Variants in NREP observed in about 807,000 individuals in gnomAD.
NREP encodes neuronal regeneration related protein, also known as neuronal regeneration-related protein.
A neutral mutation model predicts 8.6 loss-of-function variants in NREP; 5 were observed. The ratio of observed to expected loss-of-function variants is 0.58; its 90% CI spans 0.30 to 1.22. NREP has a LOEUF of 1.22. Ranked by LOEUF, NREP falls within the 50% of genes most tolerant of loss-of-function variation. NREP has a pLI of 0.07. For missense variants in NREP, 86 were observed against 82.5 expected (o/e 1.04, Z -0.17); for synonymous variants, 27 against 28.0 (o/e 0.96, Z 0.11).
chr5:111,790,796 T>C (rs1179293493), intron 2 of NREP, among the ~76,000 whole-genome samples: 2 of 152,244 alleles, frequency 1.3e-5, no homozygotes, highest in Admixed American at 1.3e-4. Context: ...TGAGTACAAA[T>C]GACACTTGAA....
chr5:111,932,117 CAAAAAAAAAAA>C (rs57518070), intron 2 of NREP, among the ~76,000 whole-genome samples: 2 of 115,596 alleles, frequency 1.7e-5, no homozygotes, highest in East Asian at 5.0e-4. Flanking sequence ...AGACTTTTTG[CAAAAAAAAAAA>C]AAAAAGAAAA....
In NREP at chr5:111,975,414, T is replaced by C. The variant is rs1224274571; in HGVS notation, c.31-36A>G. ...GACACATGGTAGAAAACGTGAGCAC[T>C]GACCCCCCTGAGTGCCACAACTCAC... On this transcript the variant is annotated intron_variant, in intron 1 of 3. Transcript: ENST00000395634. 4 of 1,455,968 alleles carry C rather than the reference T, an allele frequency of 2.7e-6. No homozygotes were observed. In the South Asian group the frequency reaches 3.7e-5, roughly 13 times the overall value. 90.2% of individuals were successfully genotyped at this position (1,455,968 alleles called of 1,614,324 possible). A position where few individuals can be genotyped will look rare whatever the true frequency, so the allele number is the denominator to read the frequency against.
chr5:111,814,639 G>C (rs1277677308), intron 2 of NREP, among the ~76,000 whole-genome samples: 3 of 152,248 alleles, frequency 2.0e-5, no homozygotes, highest in Middle Eastern at 3.4e-3. Flanking sequence ...GCTGACTATT[G>C]CTGAGGACTT....
intron 2 of NREP, among the ~76,000 whole-genome samples, chr5:111,768,095 T>C (rs1751128920): frequency 6.6e-6 from 1 of 152,210 alleles, no homozygotes; most frequent in Non-Finnish European, 1.5e-5. Context: ...TAGGATAATA[T>C]GCATATTACA....
At chr5:111,774,581 T>G (rs559188520) in intron 2 of NREP, among the ~76,000 whole-genome samples, 156 of 152,250 alleles carry the variant, frequency 1.0e-3, no homozygotes, top group African/African-American at 3.5e-3. Context: ...CGAGTCAGTG[T>G]CCTTCTGTGG....
chr5:111,783,283 C>A (rs1277596786), intron 2 of NREP, among the ~76,000 whole-genome samples: 2 of 152,126 alleles, frequency 1.3e-5, no homozygotes, highest in African/African-American at 4.8e-5. Flanking sequence ...TGTATAAATT[C>A]CTGCTTTAGC....
At chr5:111,909,158 T>C (rs1754846654) in intron 2 of NREP, among the ~76,000 whole-genome samples, 1 of 152,070 alleles carries the variant, frequency 6.6e-6, no homozygotes, top group Non-Finnish European at 1.5e-5. Context: ...GAATATTTTC[T>C]CTCATTCTGT....
At chr5:111,734,057 C>T (rs1332377644) in intron 3 of NREP, 2 of 152,190 alleles carry the variant, frequency 1.3e-5, no homozygotes, top group African/African-American at 4.8e-5. Context: ...CCACGGTGCC[C>T]ACCCCTGGGA....
At chr5:111,816,881 T>C (rs1752396402) in intron 2 of NREP, among the ~76,000 whole-genome samples, 1 of 151,708 alleles carries the variant, frequency 6.6e-6, no homozygotes, top group East Asian at 1.9e-4. Flanking sequence ...AATTTGAAAG[T>C]AAAAGGATGG....
Position 111,846,831 on chromosome 5 carries a change from C to T in NREP, c.136-111324G>A, listed in dbSNP as rs1177614230. ...TTCACTAGCTTAACCATGCCTAAGG[C>T]ACATTTAATAGCTATTTGTACATAA... is the stretch of plus-strand genomic sequence containing the variant. On this transcript the variant is annotated intron_variant, in intron 2 of 3. Transcript: ENST00000395634. 3.3e-5 allele frequency among the ~76,000 whole-genome samples: 5 copies of T among 152,132 alleles called. No individual in the cohort carries two copies. In the East Asian group the frequency reaches 9.6e-4, roughly 29 times the overall value.
chr5:111,802,393 G>C (rs573471663), intron 2 of NREP, among the ~76,000 whole-genome samples: 6 of 152,162 alleles, frequency 3.9e-5, no homozygotes, highest in African/African-American at 1.4e-4. Context: ...GACTTTTAGG[G>C]TGAAGCCTAG....
intron 2 of NREP, among the ~76,000 whole-genome samples, chr5:111,936,983 C>A (rs550041454): frequency 1.0e-3 from 158 of 152,156 alleles, no homozygotes; most frequent in Non-Finnish European, 1.5e-3. Flanking sequence ...CCCAGAGAAG[C>A]ATTTCTCCTT....
intron 2 of NREP, chr5:111,755,534 G>A (rs963379250): frequency 7.3e-6 from 4 of 550,018 alleles, no homozygotes; most frequent in Non-Finnish European, 1.3e-5. Context: ...ACTTCTGAAA[G>A]AGGAATTTTA....
intron 2 of NREP, among the ~76,000 whole-genome samples, chr5:111,777,452 T>C (rs1357419052): frequency 6.6e-6 from 1 of 151,984 alleles, no homozygotes; most frequent in Non-Finnish European, 1.5e-5. Context: ...CACTTTTCAG[T>C]GTGTGACCTA....
At chr5:111,938,973 G>C (rs1233081853) in intron 2 of NREP, among the ~76,000 whole-genome samples, 1 of 152,004 alleles carries the variant, frequency 6.6e-6, no homozygotes, top group East Asian at 1.9e-4. Flanking sequence ...AAGCAACCTG[G>C]ATCAGTCCAT....
intron 2 of NREP, among the ~76,000 whole-genome samples, chr5:111,866,640 A>T (rs181109836): frequency 0.01 from 1,579 of 152,272 alleles, 12 homozygotes; most frequent in Middle Eastern, 0.02. Context: ...CCATCCCATT[A>T]CTGGGTATAT....
Position 111,730,806 on chromosome 5 carries a change from A to G in NREP, c.*115T>C. The G allele has an allele frequency of 8.4e-7, 1 of 1,189,534 alleles. No homozygotes were observed. Among genetic ancestry groups the G allele is most frequent in the Non-Finnish European group, 1.2e-6 (1 of 848,718 alleles). The allele number at this position is 1,189,534 out of a possible 1,614,324, so 73.7% of individuals were successfully genotyped here. ...GTAAATTCTCTAAAGCAAGGCTCAGAGTCCCATAGTTTCTTCTTATACTTG... is the reference window on the plus strand; with the variant it reads ...GTAAATTCTCTAAAGCAAGGCTCAGGGTCCCATAGTTTCTTCTTATACTTG... On this transcript the variant is annotated 3_prime_UTR_variant, in exon 4 of 4. Coordinates refer to ENST00000257435, the MANE Select transcript of NREP (RefSeq NM_004772.4).
intron 2 of NREP, among the ~76,000 whole-genome samples, chr5:111,803,404 A>G (rs1282045408): frequency 6.6e-6 from 1 of 152,182 alleles, no homozygotes; most frequent in Non-Finnish European, 1.5e-5. Context: ...TTTTTTGTCT[A>G]AAATGCACAT....
intron 2 of NREP, among the ~76,000 whole-genome samples, chr5:111,815,060 A>G (rs1214914489): frequency 6.6e-6 from 1 of 152,154 alleles, no homozygotes; most frequent in Non-Finnish European, 1.5e-5. Context: ...CAATGAGCCG[A>G]CATTTTCCCT....
Sources: gnomAD v4.1 joint callset for allele counts (sites outside exome capture counted in the v4.1 genomes callset) on GRCh38, gnomAD v4.1.1 for gene constraint, MANE v1.5 for transcripts, NCBI Gene and HGNC (gene_info 2026-07-23, HGNC 2026-07-21) for gene names.